CCDC126: variants seen among roughly 807,000 people sequenced by gnomAD.
CCDC126 encodes coiled-coil domain-containing protein 126.
A neutral mutation model predicts 11.7 loss-of-function variants in CCDC126; 5 were observed. That is an observed-to-expected ratio of 0.43 (90% CI 0.22 to 0.90). CCDC126 has a LOEUF of 0.90. CCDC126 is among the 40% of genes least tolerant of loss of function. The pLI, the probability that CCDC126 is intolerant of heterozygous loss-of-function variation, is 0.27. For missense variants in CCDC126, 150 were observed against 163.1 expected (o/e 0.92, Z 0.44); for synonymous variants, 60 against 61.9 (o/e 0.97, Z 0.14).
chr7:23,601,184 G>T (rs571047395), intron 2 of CCDC126, among the ~76,000 whole-genome samples: 1 of 152,210 alleles, frequency 6.6e-6, no homozygotes, highest in Non-Finnish European at 1.5e-5. Context: ...AAGAGTTTGA[G>T]ACCAGCCTGG....
intron 2 of CCDC126, among the ~76,000 whole-genome samples, chr7:23,602,979 G>A (rs1363016211): frequency 6.6e-6 from 1 of 152,148 alleles, no homozygotes; most frequent in Admixed American, 6.5e-5. Context: ...GAATGAATTA[G>A]TGAACAAATG....
chr7:23,620,210 T>C (rs1474618627), intron 3 of CCDC126, among the ~76,000 whole-genome samples: 2 of 152,168 alleles, frequency 1.3e-5, no homozygotes, highest in Non-Finnish European at 2.9e-5. Flanking sequence ...AGTGTAAAAG[T>C]GTTCCTATTT....
At chr7:23,619,279 G>T (rs1782847589) in intron 3 of CCDC126, 1 of 233,360 alleles carries the variant, frequency 4.3e-6, no homozygotes, top group East Asian at 1.4e-4. Flanking sequence ...CATGGCGCAG[G>T]TTTACCTATG....
Position 23,606,159 on chromosome 7 carries a change from C to G in CCDC126, c.-145-5012C>G, listed in dbSNP as rs192753572. Among the ~76,000 whole-genome samples the G allele has an allele frequency of 2.6e-5, 4 of 152,108 alleles. No individual in the cohort carries two copies. In the East Asian group the frequency reaches 5.8e-4, roughly 22 times the overall value. ...CTGCAAGCTCCGCCTCCTGGGTTCACGCCATTCTCCTGCCTCAGCCTCCCA... is the reference window on the plus strand; with the variant it reads ...CTGCAAGCTCCGCCTCCTGGGTTCAGGCCATTCTCCTGCCTCAGCCTCCCA... On this transcript the variant is annotated intron_variant, in intron 2 of 3. Coordinates refer to ENST00000307471, the MANE Select transcript of CCDC126 (RefSeq NM_138771.4).
intron 3 of CCDC126, among the ~76,000 whole-genome samples, chr7:23,612,929 G>T (rs1439076147): frequency 1.3e-5 from 2 of 152,124 alleles, no homozygotes; most frequent in Non-Finnish European, 2.9e-5. Context: ...ACTTAAAAAG[G>T]AGAGAGAACA....
At chr7:23,642,896 A>G (rs762522947) in intron 3 of CCDC126, 35 bp from the exon 4 acceptor site, 3 of 1,573,412 alleles carry the variant, frequency 1.9e-6, no homozygotes, top group Non-Finnish European at 8.7e-7. Flanking sequence ...GAAGAGCTCT[A>G]TTAATGTTAA....
chr7:23,622,703 C>T (rs139279116), intron 3 of CCDC126: 92 of 529,272 alleles, frequency 1.7e-4, no homozygotes, highest in African/African-American at 1.4e-3. Flanking sequence ...AGTAGCTCAG[C>T]ATAAATGTTA....
intron 3 of CCDC126, chr7:23,619,263 A>C (rs1055916735): frequency 4.9e-6 from 1 of 205,220 alleles, no homozygotes; most frequent in Non-Finnish European, 9.7e-6. Flanking sequence ...AGGTGCAGCA[A>C]ATCACCATGG....
At chr7:23,639,348 C>G (rs1202638837) in intron 3 of CCDC126, among the ~76,000 whole-genome samples, 1 of 152,062 alleles carries the variant, frequency 6.6e-6, no homozygotes, top group East Asian at 1.9e-4. Flanking sequence ...TGTGCCATCA[C>G]GCCTGGGCTA....
At chr7:23,629,735 C>T (rs1464045820) in intron 3 of CCDC126, among the ~76,000 whole-genome samples, 4 of 151,622 alleles carry the variant, frequency 2.6e-5, no homozygotes, top group African/African-American at 4.8e-5. Context: ...AGGAAAGAAT[C>T]GGTAAACTGG....
chr7:23,604,196 A>G (rs1032487758), intron 2 of CCDC126: 1 of 152,230 alleles, frequency 6.6e-6, no homozygotes, highest in Non-Finnish European at 1.5e-5. Context: ...GTTGTCCACA[A>G]ATTCTGAGTA....
intron 3 of CCDC126, among the ~76,000 whole-genome samples, chr7:23,635,827 T>C (rs1337649888): frequency 6.6e-6 from 1 of 152,120 alleles, no homozygotes; most frequent in Admixed American, 6.5e-5. Flanking sequence ...CCTTCTAGGC[T>C]TTTAGCTTCA....
chr7:23,642,241 T>C (rs2128023563), intron 3 of CCDC126, among the ~76,000 whole-genome samples: 1 of 152,158 alleles, frequency 6.6e-6, no homozygotes, highest in East Asian at 1.9e-4. Context: ...CTCAATCTCC[T>C]GACCTCGTGA....
chr7:23,609,754 C>T (rs550403455), intron 2 of CCDC126, among the ~76,000 whole-genome samples: 3 of 151,878 alleles, frequency 2.0e-5, no homozygotes, highest in South Asian at 2.1e-4. Context: ...CCCAGCTACT[C>T]GGGAGGCTGA....
At chr7:23,612,939 A>G (rs1250553091) in intron 3 of CCDC126, among the ~76,000 whole-genome samples, 1 of 152,220 alleles carries the variant, frequency 6.6e-6, no homozygotes, top group Non-Finnish European at 1.5e-5. Flanking sequence ...GAGAGAGAAC[A>G]GATAGTATGG....
In CCDC126 at chr7:23,608,675, C is replaced by T. The variant is rs1287627938; in HGVS notation, c.-145-2496C>T. On this transcript the variant is annotated intron_variant, in intron 2 of 3. Transcript: ENST00000307471. Reference sequence around the variant, plus strand: ...GGGAGGGAAGTATAATGAAGTGTATCTGACTGCCCATCCTGTTAGAACTGC... The same window carrying T: ...GGGAGGGAAGTATAATGAAGTGTATTTGACTGCCCATCCTGTTAGAACTGC... 2.6e-5 allele frequency among the ~76,000 whole-genome samples: 4 copies of T among 152,128 alleles called. No individual in the cohort carries two copies. The East Asian group carries it at 7.7e-4, about 29-fold the overall frequency.
chr7:23,620,527 T>G (rs1410222753), intron 3 of CCDC126, among the ~76,000 whole-genome samples: 6 of 151,870 alleles, frequency 4.0e-5, no homozygotes, highest in Admixed American at 1.3e-4. Context: ...ATTTTGTAGG[T>G]TGCCTGTTCA....
intron 3 of CCDC126, among the ~76,000 whole-genome samples, chr7:23,635,188 C>A (rs1347601090): frequency 6.6e-6 from 1 of 152,190 alleles, no homozygotes; most frequent in African/African-American, 2.4e-5. Flanking sequence ...GATGATGCCA[C>A]CTACCAAACA....
chr7:23,614,621 A>C (rs1222687882), intron 3 of CCDC126, among the ~76,000 whole-genome samples: 2 of 152,188 alleles, frequency 1.3e-5, no homozygotes, highest in Non-Finnish European at 2.9e-5. Flanking sequence ...GGCCTTATGG[A>C]ATGTATTTCT....
Sources: allele counts gnomAD v4.1 joint callset (sites outside exome capture counted in the v4.1 genomes callset), GRCh38; gene constraint gnomAD v4.1.1; transcripts MANE v1.5; gene names NCBI Gene and HGNC (gene_info 2026-07-23, HGNC 2026-07-21).